WRNIP1: variants seen among roughly 807,000 people sequenced by gnomAD.
WRNIP1 encodes WRN helicase interacting protein 1.
WRNIP1 carries 41 observed loss-of-function variants against 56.1 expected under a neutral mutation model. That is an observed-to-expected ratio of 0.73 (90% CI 0.57 to 0.95). The LOEUF is 0.95. Among genes scored for constraint, WRNIP1 ranks in the 40% least tolerant of loss-of-function variants. WRNIP1 has a pLI of 0.00. For synonymous variants in WRNIP1, 547 were observed against 398.1 expected (o/e 1.37, Z -4.45); for missense variants, 1,170 against 939.4 (o/e 1.25, Z -3.21).
chr6:2,780,896 C>T (rs903399608), intron 4 of WRNIP1, among the ~76,000 whole-genome samples: 1 of 152,182 alleles, frequency 6.6e-6, no homozygotes, highest in African/African-American at 2.4e-5. Context: ...ATGGCATTCA[C>T]TAACACTCAG....
intron 2 of WRNIP1, 53 bp downstream of exon 2, chr6:2,768,935 AGT>A (rs1238967310): frequency 2.6e-6 from 4 of 1,527,302 alleles, no homozygotes; most frequent in Non-Finnish European, 3.5e-6. Flanking sequence ...AACAATATAA[AGT>A]GTGTGAGATC....
intron 5 of WRNIP1, among the ~76,000 whole-genome samples, chr6:2,783,775 T>C (rs908863941): frequency 1.2e-4 from 18 of 152,118 alleles, no homozygotes; most frequent in Non-Finnish European, 2.1e-4. Context: ...TGCTTTTGAA[T>C]GTTTATGTTC....
chr6:2,765,902 G>A lies in WRNIP1; in HGVS notation c.280G>A (p.Gly94Ser). ...CCCGACGGCAGCCGAGAGCAGCGAG[G>A]GCGAGGGTGAGGAGGGCGACGACGG... ...ATPTAAESSE[G>S]EGEEGDDGGE... The change falls in exon 1 of 7, where the codon GGC becomes AGC. Residue 94 changes from glycine to serine, a missense_variant. Transcript: ENST00000380773. 4.1e-6 allele frequency: 6 copies of A among 1,457,138 alleles called. No homozygotes were observed. Among genetic ancestry groups the A allele is most frequent in the Non-Finnish European group, 5.4e-6 (6 of 1,106,696 alleles). 90.3% of individuals were successfully genotyped at this position (1,457,138 alleles called of 1,614,324 possible).
chr6:2,782,936 C>T (rs1765598107), intron 4 of WRNIP1, among the ~76,000 whole-genome samples: 1 of 152,202 alleles, frequency 6.6e-6, no homozygotes, highest in South Asian at 2.1e-4. Context: ...AGAAAGGCAG[C>T]TGGAAATGAC....
chr6:2,770,592 C>G (rs780386552), intron 3 of WRNIP1, among the ~76,000 whole-genome samples: 2 of 152,214 alleles, frequency 1.3e-5, no homozygotes, highest in African/African-American at 4.8e-5. Flanking sequence ...TTCTATAATT[C>G]TTCAAGCTTT....
In WRNIP1 at chr6:2,768,544, T is replaced by A. The variant is rs1765130205; in HGVS notation, c.823-147T>A. On this transcript the variant is annotated intron_variant, in intron 1 of 6. Transcript: ENST00000380773. ...TGTTGTTTTTAAATGTCCTGTGGTA[T>A]TTTTGATTGTTTCTGTGCTGCTCAG... 5 of 511,960 alleles carry A rather than the reference T, an allele frequency of 9.8e-6. No homozygotes were observed. In the South Asian group the frequency reaches 1.9e-4, roughly 20 times the overall value. 31.7% of individuals were successfully genotyped at this position (511,960 alleles called of 1,614,324 possible). A position where few individuals can be genotyped will look rare whatever the true frequency, so the allele number is the denominator to read the frequency against.
rs138651533 is a variant in WRNIP1, at chr6:2,772,298, C to T, written c.1256+1937C>T. Among the ~76,000 whole-genome samples, 869 of 152,292 alleles carry T rather than the reference C, an allele frequency of 5.7e-3. 10 individuals are homozygous for T. The highest frequency in any genetic ancestry group is 0.02 in the African/African-American group (830 of 41,556). ...TGCTAAAATTGCTTTTCAGAGAAAACTTCCCATATCCAGTAAATGATTTAC... is the reference window on the plus strand; with the variant it reads ...TGCTAAAATTGCTTTTCAGAGAAAATTTCCCATATCCAGTAAATGATTTAC... On this transcript the variant is annotated intron_variant, in intron 3 of 6. Transcript: ENST00000380773.
rs748963780 is a variant in WRNIP1, at chr6:2,785,123, C to T, written c.1839C>T (p.Pro613=). The part of the protein sequence containing the change: ...CLRNHQGPLP[P]VPLHLRNAPT... ...GGAACCACCAGGGGCCACTGCCCCC[C>T]GTGCCCCTGCACCTGAGGAACGCGC... The change falls in exon 7 of 7, where the codon CCC becomes CCT. Residue 613 remains proline (P), a synonymous_variant. Coordinates refer to ENST00000380773, the MANE Select transcript of WRNIP1 (RefSeq NM_020135.3). 15 of 1,614,084 alleles carry T rather than the reference C, an allele frequency of 9.3e-6. No homozygotes were observed. The highest frequency in any genetic ancestry group is 8.9e-5 in the East Asian group (4 of 44,894).
chr6:2,768,297 T>C (rs1338265406), intron 1 of WRNIP1, among the ~76,000 whole-genome samples: 1 of 152,208 alleles, frequency 6.6e-6, no homozygotes, highest in Admixed American at 6.5e-5. Context: ...TGCACCTAGA[T>C]CCTTCCGTGC....
At chr6:2,770,694 C>T (rs1205710183) in intron 3 of WRNIP1, among the ~76,000 whole-genome samples, 3 of 152,076 alleles carry the variant, frequency 2.0e-5, no homozygotes, top group African/African-American at 7.2e-5. Flanking sequence ...GGCTTTATGT[C>T]CCTCATTGAA....
In WRNIP1 at chr6:2,768,863, G is replaced by T; in HGVS notation, c.995G>T (p.Arg332Leu). The T allele has an allele frequency of 2.5e-6, 4 of 1,610,578 alleles. No individual in the cohort carries two copies. The highest frequency in any genetic ancestry group is 3.4e-6 in the Non-Finnish European group (4 of 1,178,500). ...ATCCTTTTTATTGATGAGATTCATC[G>T]GTTCAATAAATCTCAGCAGGTATAT... ...KTILFIDEIH[R>L]FNKSQQDTFL... Residue 332 changes from arginine (R) to leucine (L), a missense_variant, in exon 2 of 7, where the codon CGG (arginine) becomes CTG (leucine). Coordinates refer to ENST00000380773, the MANE Select transcript of WRNIP1 (RefSeq NM_020135.3).
chr6:2,780,116 T>G (rs1029380815), intron 4 of WRNIP1, among the ~76,000 whole-genome samples: 23 of 152,200 alleles, frequency 1.5e-4, no homozygotes, highest in African/African-American at 5.3e-4. Context: ...CACAGCACAT[T>G]TGCATCTTTT....
chr6:2,778,362 G>T (rs1044825041), intron 3 of WRNIP1, among the ~76,000 whole-genome samples: 8 of 152,178 alleles, frequency 5.3e-5, no homozygotes, highest in African/African-American at 1.9e-4. Context: ...GCTCAGCCAG[G>T]AATAAGACCC....
rs994581558 is a variant in WRNIP1, at chr6:2,766,089, G to C, written c.467G>C (p.Ser156Thr). 1 of 1,314,028 alleles carries C rather than the reference G, an allele frequency of 7.6e-7. No homozygotes were observed. Among genetic ancestry groups the C allele is most frequent in the African/African-American group, 1.5e-5 (1 of 64,706 alleles). 81.4% of individuals were successfully genotyped at this position (1,314,028 alleles called of 1,614,324 possible). ...GCGGCGGGGAGCGCGTCTCCGCGCA[G>C]CTGGGACGAGGCGGAGGCGCAGGAG... ...AAAAGSASPR[S>T]WDEAEAQEEE... Residue 156 changes from serine (S) to threonine (T), a missense_variant, in exon 1 of 7, where the codon AGC becomes ACC. Transcript: ENST00000380773.
rs949790717 is a variant in WRNIP1, at chr6:2,765,571, T to G, written c.-52T>G. 1.2e-4 allele frequency: 166 copies of G among 1,410,596 alleles called. No homozygotes were observed. The highest frequency in any genetic ancestry group is 1.0e-4 in the Non-Finnish European group (110 of 1,088,938). 87.4% of individuals were successfully genotyped at this position (1,410,596 alleles called of 1,614,324 possible). A position where few individuals can be genotyped will look rare whatever the true frequency, so the allele number is the denominator to read the frequency against. ...GCGGAGGGCATCGAAGGCCTCCGCG[T>G]GCGCACGGGTTGCTGCGGCCGCGCC... On this transcript the variant is annotated 5_prime_UTR_variant, in exon 1 of 7. Coordinates refer to ENST00000380773, the MANE Select transcript of WRNIP1 (RefSeq NM_020135.3).
intron 3 of WRNIP1, among the ~76,000 whole-genome samples, chr6:2,771,937 TGTCTG>T (rs1465567924): frequency 8.5e-5 from 13 of 152,236 alleles, no homozygotes; most frequent in South Asian, 2.1e-4. Context: ...CATGTGTACT[TGTCTG>T]GGGTGATTTT....
At chr6:2,776,303 G>T (rs1244587075) in intron 3 of WRNIP1, among the ~76,000 whole-genome samples, 1 of 152,188 alleles carries the variant, frequency 6.6e-6, no homozygotes, top group Non-Finnish European at 1.5e-5. Flanking sequence ...TCTCCATTTT[G>T]TAATTTTCTT....
At chr6:2,779,217 G>T in intron 3 of WRNIP1, 46 bp from the exon 4 acceptor site, 1 of 1,586,678 alleles carries the variant, frequency 6.3e-7, no homozygotes, top group Non-Finnish European at 8.6e-7. Flanking sequence ...AGAACAAGAA[G>T]TATGCAGCCT....
At chr6:2,784,195 T>C in intron 5 of WRNIP1, 129 bp from the exon 6 acceptor site, 1 of 715,480 alleles carries the variant, frequency 1.4e-6, no homozygotes. Flanking sequence ...TAAGTCAGGC[T>C]GTTTTGCTAC....
Sources: gnomAD v4.1 joint callset for allele counts (sites outside exome capture counted in the v4.1 genomes callset) on GRCh38, gnomAD v4.1.1 for gene constraint, MANE v1.5 for transcripts, NCBI Gene and HGNC (gene_info 2026-07-23, HGNC 2026-07-21) for gene names.